CCDC77: variants seen among roughly 807,000 people sequenced by gnomAD.
CCDC77 encodes the protein coiled-coil domain-containing protein 77.
Under a neutral mutation model 66.8 loss-of-function variants are expected in CCDC77, and 56 were observed. The ratio of observed to expected loss-of-function variants is 0.84; its 90% CI spans 0.68 to 1.05. CCDC77 has a LOEUF of 1.05. Ranked by LOEUF, CCDC77 falls within the 50% of genes least tolerant of loss-of-function variation. The probability of loss-of-function intolerance (pLI) is 0.00; values close to 1 mark genes in which losing one functional copy is unlikely to be tolerated. For synonymous variants in CCDC77, 196 were observed against 195.2 expected, an observed-to-expected ratio of 1.00 and a Z score of -0.03; for missense variants, 570 against 576.8, an observed-to-expected ratio of 0.99 and a Z score of 0.12.
In CCDC77 at chr12:411,980, T is replaced by C; in HGVS notation, c.270+2T>C. 1 of 1,605,526 alleles carries C rather than the reference T, an allele frequency of 6.2e-7. No individual in the cohort carries two copies. Among genetic ancestry groups the C allele is most frequent in the Non-Finnish European group, 8.5e-7 (1 of 1,173,238 alleles). The stretch of plus-strand genomic sequence containing the variant: ...TACAAAGAAGCTTGTGAAGGACAGG[T>C]AAAGAAACGATGCTGCTGCTTTAGA... On this transcript the variant is annotated splice_donor_variant, in intron 4 of 12. Transcript: ENST00000239830. LOFTEE classifies it high-confidence loss of function.
chr12:439,955 G>C (rs1454094350), intron 10 of CCDC77, among the ~76,000 whole-genome samples: 1 of 152,120 alleles, frequency 6.6e-6, no homozygotes, highest in Non-Finnish European at 1.5e-5. Context: ...GACTAAGCTT[G>C]CCATACAGAC....
At position 416,668 on chromosome 12, in the gene CCDC77, C is replaced by T. The variant is rs544565346; in HGVS notation, c.271-1826C>T. 2.6e-3 allele frequency among the ~76,000 whole-genome samples: 387 copies of T among 151,320 alleles called. 3 individuals carry two copies. The highest frequency in any genetic ancestry group is 8.2e-3 in the African/African-American group (340 of 41,304). On this transcript the variant is annotated intron_variant, in intron 4 of 12. Transcript: ENST00000239830. ...GCCTCAAGTGATCTGCCACGCCTGGCGTGTTAAGTATATTCACATTGTTGT... is the reference window on the plus strand; with the variant it reads ...GCCTCAAGTGATCTGCCACGCCTGGTGTGTTAAGTATATTCACATTGTTGT...
At chr12:414,141 G>A (rs1286363825) in intron 4 of CCDC77, among the ~76,000 whole-genome samples, 1 of 150,136 alleles carries the variant, frequency 6.7e-6, no homozygotes, top group African/African-American at 2.5e-5. Context: ...TGCCAGGCTG[G>A]AGTGCAATGG....
intron 1 of CCDC77, among the ~76,000 whole-genome samples, chr12:403,435 T>G (rs774567050): frequency 2.6e-5 from 4 of 152,262 alleles, no homozygotes; most frequent in African/African-American, 4.8e-5. Flanking sequence ...GGCAGGGCTT[T>G]GACTCAAACC....
upstream of CCDC77, among the ~76,000 whole-genome samples, chr12:399,819 G>A (rs1253345465): frequency 6.6e-6 from 1 of 152,188 alleles, no homozygotes; most frequent in Non-Finnish European, 1.5e-5. Flanking sequence ...AGGATTTCAG[G>A]GATGTAAATG....
chr12:418,464 T>G (rs1945327648), intron 4 of CCDC77, 30 bp from the exon 5 acceptor site: 1 of 1,611,312 alleles, frequency 6.2e-7, no homozygotes. Context: ...CCCAGTGTCT[T>G]TCAACTATCT....
rs770047538 is a variant in CCDC77, at chr12:411,968, G to A, written c.260G>A (p.Cys87Tyr). ...LKKLELYKEA[C>Y]EGQHKLECDL... is the part of the protein sequence containing the mutation. ...AAACTGGAACTCTACAAAGAAGCTT[G>A]TGAAGGACAGGTAAAGAAACGATGC... Residue 87 changes from cysteine (C) to tyrosine (Y), a missense_variant, in exon 4 of 13, where the codon TGT becomes TAT. Transcript: ENST00000239830. The A allele has an allele frequency of 6.2e-7, 1 of 1,612,426 alleles. No homozygotes were observed.
intron 1 of CCDC77, among the ~76,000 whole-genome samples, chr12:392,674 G>T (rs1388985894): frequency 1.3e-5 from 2 of 152,056 alleles, no homozygotes; most frequent in Non-Finnish European, 2.9e-5. Flanking sequence ...GAACCTGGGT[G>T]GCGGAGGTTG....
At chr12:438,298 C>A in intron 9 of CCDC77, 37 bp from the exon 10 acceptor site, 1 of 1,386,490 alleles carries the variant, frequency 7.2e-7, no homozygotes, top group East Asian at 2.3e-5. Flanking sequence ...GTGCTGTGTG[C>A]GCATCCTCAT....
intron 7 of CCDC77, 141 bp downstream of exon 7, chr12:430,877 G>A (rs762665175): frequency 1.2e-5 from 8 of 648,682 alleles, no homozygotes; most frequent in Admixed American, 2.1e-5. Flanking sequence ...TCAGGAGTTC[G>A]AGACCAGCCT....
chr12:415,299 C>CATAATATGTTAATATAATT (rs1565567788), intron 4 of CCDC77, among the ~76,000 whole-genome samples: 6 of 109,828 alleles, frequency 5.5e-5, no homozygotes, highest in African/African-American at 2.0e-4. Context: ...TTAATATAAT[C>CATAATATGTTAATATAATT]AACATAATAT....
At chr12:393,188 G>T (rs2137518645) in intron 1 of CCDC77, among the ~76,000 whole-genome samples, 1 of 152,296 alleles carries the variant, frequency 6.6e-6, no homozygotes, top group Middle Eastern at 3.4e-3. Flanking sequence ...CACAACCCCA[G>T]CTTACTCCAA....
At chr12:429,926 C>CTGTTTT (rs796515107) in intron 6 of CCDC77, among the ~76,000 whole-genome samples, 4 of 152,256 alleles carry the variant, frequency 2.6e-5, no homozygotes, top group African/African-American at 4.8e-5. Context: ...GTGCCCCAAG[C>CTGTTTT]TGTTTTTGTT....
chr12:399,994 T>G (rs1355829830), upstream of CCDC77, among the ~76,000 whole-genome samples: 1 of 152,280 alleles, frequency 6.6e-6, no homozygotes, highest in Non-Finnish European at 1.5e-5. Context: ...CAAAAGTCTG[T>G]AGTTTAGTTT....
chr12:399,049 G>T (rs763881888), upstream of CCDC77, among the ~76,000 whole-genome samples: 2 of 152,148 alleles, frequency 1.3e-5, no homozygotes, highest in Non-Finnish European at 2.9e-5. Context: ...ATCTCACCAA[G>T]CCAAGTCACA....
chr12:427,931 C>T (rs552400170), intron 5 of CCDC77, among the ~76,000 whole-genome samples: 2 of 152,186 alleles, frequency 1.3e-5, no homozygotes, highest in South Asian at 4.2e-4. Flanking sequence ...CAGCAGGCCT[C>T]GTCCAACACG....
At position 426,870 on chromosome 12, in the gene CCDC77, A is replaced by T. The variant is rs142682516; in HGVS notation, c.414-1899A>T. Among the ~76,000 whole-genome samples the T allele has an allele frequency of 1.8e-4, 27 of 152,136 alleles. No homozygotes were observed. In the East Asian group the frequency reaches 5.2e-3, roughly 29 times the overall value. On this transcript the variant is annotated intron_variant, in intron 5 of 12. Coordinates refer to ENST00000239830, the MANE Select transcript of CCDC77 (RefSeq NM_032358.4). ...TAAATGGCTATAGACCCTTTGGAGG[A>T]TGTGGGGAATCATTACCATGAATAT...
chr12:433,062 G>A, intron 8 of CCDC77, 112 bp from the exon 9 acceptor site: 2 of 1,150,838 alleles, frequency 1.7e-6, no homozygotes, highest in Non-Finnish European at 2.5e-6. Flanking sequence ...GGATTGAGAT[G>A]TTTTTGTTTG....
chr12:402,728 C>A (rs747718000), intron 1 of CCDC77, among the ~76,000 whole-genome samples: 1 of 152,202 alleles, frequency 6.6e-6, no homozygotes, highest in South Asian at 2.1e-4. Flanking sequence ...TAGGTAGAAC[C>A]GTTAAGGTGT....
Sources: gnomAD v4.1 joint callset for allele counts (sites outside exome capture counted in the v4.1 genomes callset) on GRCh38, gnomAD v4.1.1 for gene constraint, MANE v1.5 for transcripts, NCBI Gene and HGNC (gene_info 2026-07-23, HGNC 2026-07-21) for gene names.